Variants in GRIN2B observed in about 807,000 individuals in gnomAD.
The protein encoded by GRIN2B is glutamate ionotropic receptor NMDA type subunit 2B.
In GRIN2B, 5 loss-of-function variants were observed where a neutral mutation model predicts 114.5. The observed-to-expected ratio is 0.04, with a 90% CI of 0.02 to 0.09. The LOEUF is 0.09. Among genes scored for constraint, GRIN2B ranks in the 10% least tolerant of loss-of-function variants. The probability of loss-of-function intolerance (pLI) is 1.00; values close to 1 mark genes in which losing one functional copy is unlikely to be tolerated. For missense variants in GRIN2B, 1,108 were observed against 1,943.5 expected (o/e 0.57, Z 8.08); for synonymous variants, 787 against 745.1 (o/e 1.06, Z -0.92).
At chr12:13,840,228 T>A (rs1865355089) in intron 3 of GRIN2B, among the ~76,000 whole-genome samples, 1 of 152,336 alleles carries the variant, frequency 6.6e-6, no homozygotes, top group Non-Finnish European at 1.5e-5. Context: ...CTCTGGATTT[T>A]GTTCATTCGG....
At chr12:13,798,787 GA>G (rs1453686811) in intron 3 of GRIN2B, among the ~76,000 whole-genome samples, 2 of 152,082 alleles carry the variant, frequency 1.3e-5, no homozygotes, top group African/African-American at 4.8e-5. Flanking sequence ...ATTTCAACAG[GA>G]AAAAAACCAA....
intron 4 of GRIN2B, among the ~76,000 whole-genome samples, chr12:13,721,135 T>C (rs1208981249): frequency 6.6e-6 from 1 of 151,880 alleles, no homozygotes; most frequent in Non-Finnish European, 1.5e-5. Context: ...GCTGGCAATA[T>C]GAAAAACATG....
At chr12:13,867,573 T>C (rs977520530) in intron 2 of GRIN2B, among the ~76,000 whole-genome samples, 3 of 152,222 alleles carry the variant, frequency 2.0e-5, no homozygotes, top group African/African-American at 7.2e-5. Context: ...GAATCATTTA[T>C]TGTACATCTT....
intron 2 of GRIN2B, among the ~76,000 whole-genome samples, chr12:13,908,460 G>T (rs1244943939): frequency 6.6e-6 from 1 of 152,064 alleles, no homozygotes; most frequent in Admixed American, 6.6e-5. Context: ...TTACAGATGA[G>T]GAAACTAAAG....
chr12:13,962,794 G>C (rs937016888), intron 2 of GRIN2B, among the ~76,000 whole-genome samples: 1 of 152,218 alleles, frequency 6.6e-6, no homozygotes, highest in Non-Finnish European at 1.5e-5. Flanking sequence ...CAGGGGGGCA[G>C]AGCAGCTGTC....
intron 5 of GRIN2B, among the ~76,000 whole-genome samples, chr12:13,631,507 C>T (rs1368888672): frequency 6.6e-6 from 1 of 152,100 alleles, no homozygotes; most frequent in Non-Finnish European, 1.5e-5. Context: ...CAAGAATGCT[C>T]CCATCCAGCC....
chr12:13,744,856 C>T (rs569161777), intron 4 of GRIN2B, among the ~76,000 whole-genome samples: 7 of 152,256 alleles, frequency 4.6e-5, no homozygotes, highest in Admixed American at 2.6e-4. Context: ...TTCTGAAAGC[C>T]GAGGGAAGGT....
At chr12:13,859,480 CAG>C (rs766662910) in intron 3 of GRIN2B, among the ~76,000 whole-genome samples, 2 of 152,202 alleles carry the variant, frequency 1.3e-5, no homozygotes, top group African/African-American at 2.4e-5. Flanking sequence ...GCCAGCCAGA[CAG>C]AGCTACATCA....
chr12:13,571,556 A>C (rs1948708822), intron 11 of GRIN2B, among the ~76,000 whole-genome samples: 1 of 152,150 alleles, frequency 6.6e-6, no homozygotes. Context: ...CTCTTATTTC[A>C]TGGTTACATT....
intron 4 of GRIN2B, among the ~76,000 whole-genome samples, chr12:13,748,277 A>T (rs1476549619): frequency 1.3e-5 from 2 of 152,244 alleles, no homozygotes; most frequent in Non-Finnish European, 2.9e-5. Context: ...TACAAGTTCC[A>T]AAAGTAGCTC....
At chr12:13,894,706 T>C (rs1000234157) in intron 2 of GRIN2B, among the ~76,000 whole-genome samples, 2 of 152,144 alleles carry the variant, frequency 1.3e-5, no homozygotes, top group African/African-American at 4.8e-5. Flanking sequence ...TACCAGTCGA[T>C]AGACAAAGGA....
chr12:13,859,837 C>T (rs1865725306), intron 3 of GRIN2B, among the ~76,000 whole-genome samples: 1 of 152,166 alleles, frequency 6.6e-6, no homozygotes, highest in South Asian at 2.1e-4. Flanking sequence ...TCAAAATTGA[C>T]ATATTATGTT....
chr12:13,700,732 C>T (rs1177065866), intron 4 of GRIN2B, among the ~76,000 whole-genome samples: 1 of 152,192 alleles, frequency 6.6e-6, no homozygotes, highest in Non-Finnish European at 1.5e-5. Context: ...CTAAAATAAG[C>T]TGTCCCTGTT....
intron 3 of GRIN2B, among the ~76,000 whole-genome samples, chr12:13,841,448 C>T (rs183000040): frequency 2.0e-5 from 3 of 152,274 alleles, no homozygotes; most frequent in Admixed American, 1.3e-4. Context: ...TCACTTCCCC[C>T]GCAATCCCGG....
intron 2 of GRIN2B, among the ~76,000 whole-genome samples, chr12:13,941,076 CACACACACACACAGTA>C (rs1418511435): frequency 2.2e-5 from 1 of 46,178 alleles, no homozygotes; most frequent in Non-Finnish European, 5.4e-5. Flanking sequence ...TTCACACACA[CACACACACACACAGTA>C]GGTAGGAGGT....
intron 4 of GRIN2B, among the ~76,000 whole-genome samples, chr12:13,725,179 A>T (rs1862958367): frequency 1.3e-5 from 2 of 152,070 alleles, no homozygotes; most frequent in Admixed American, 6.6e-5. Context: ...TAGCCTCAGG[A>T]TAATAGTGTC....
chr12:13,653,562 A>C lies in GRIN2B; in HGVS notation c.1125+22183T>G, dbSNP rs144525518. On this transcript the variant is annotated intron_variant, in intron 5 of 13. Transcript: ENST00000609686. The stretch of plus-strand genomic sequence containing the variant: ...GGGAGGGGGAGTGAGAAAAAAAGCC[A>C]GCAGAGAAAGGAGAGACTTAAACAG... 3.2e-3 allele frequency among the ~76,000 whole-genome samples: 485 copies of C among 152,162 alleles called. 6 individuals carry two copies. The highest frequency in any genetic ancestry group is 0.011 in the African/African-American group (453 of 41,520).
At chr12:13,737,558 A>G (rs977131521) in intron 4 of GRIN2B, among the ~76,000 whole-genome samples, 2 of 152,188 alleles carry the variant, frequency 1.3e-5, no homozygotes, top group Admixed American at 1.3e-4. Context: ...TTTGGCGAAC[A>G]GGCACTCTAG....
chr12:13,961,439 T>G (rs897435809), intron 2 of GRIN2B, among the ~76,000 whole-genome samples: 1 of 152,086 alleles, frequency 6.6e-6, no homozygotes, highest in African/African-American at 2.4e-5. Flanking sequence ...GAGGGCACAT[T>G]TTTGCCGGTA....
Sources: allele counts gnomAD v4.1 joint callset (sites outside exome capture counted in the v4.1 genomes callset), GRCh38; gene constraint gnomAD v4.1.1; transcripts MANE v1.5; gene names NCBI Gene and HGNC (gene_info 2026-07-23, HGNC 2026-07-21).